The following PTPRG variants were observed in gnomAD, a reference collection of about 807,000 sequenced individuals.
The protein encoded by PTPRG is receptor-type tyrosine-protein phosphatase gamma.
PTPRG carries 102 observed loss-of-function variants against 165.3 expected under a neutral mutation model. That is an observed-to-expected ratio of 0.62 (90% CI 0.53 to 0.73). PTPRG has a LOEUF of 0.73. Ranked by LOEUF, PTPRG falls within the 30% of genes least tolerant of loss-of-function variation. The pLI, the probability that PTPRG is intolerant of heterozygous loss-of-function variation, is 0.00. For missense variants in PTPRG, 1,866 were observed against 1,861.4 expected, an observed-to-expected ratio of 1.00 and a Z score of -0.05; for synonymous variants, 675 against 669.5, an observed-to-expected ratio of 1.01 and a Z score of -0.13.
At chr3:61,654,656 G>C (rs1179725852) in intron 1 of PTPRG, among the ~76,000 whole-genome samples, 1 of 152,120 alleles carries the variant, frequency 6.6e-6, no homozygotes, top group African/African-American at 2.4e-5. Flanking sequence ...AAAGTGCTGG[G>C]ATTACAGGCG....
chr3:62,191,126 CGT>C (rs969934140), intron 8 of PTPRG, among the ~76,000 whole-genome samples: 2 of 148,332 alleles, frequency 1.3e-5, no homozygotes, highest in Non-Finnish European at 3.0e-5. Context: ...CACATGTGTG[CGT>C]GTGTGCGTCT....
intron 5 of PTPRG, among the ~76,000 whole-genome samples, chr3:62,117,162 ATT>A (rs1385414335): frequency 1.3e-5 from 2 of 152,198 alleles, no homozygotes; most frequent in East Asian, 1.9e-4. Flanking sequence ...ATCTTTAGTC[ATT>A]TATAGAGGGT....
At chr3:61,893,842 T>G (rs1252193878) in intron 2 of PTPRG, among the ~76,000 whole-genome samples, 1 of 152,176 alleles carries the variant, frequency 6.6e-6, no homozygotes, top group East Asian at 1.9e-4. Flanking sequence ...AAACAACTCT[T>G]AAAGGATGTA....
At chr3:61,912,514 G>A (rs965455391) in intron 2 of PTPRG, among the ~76,000 whole-genome samples, 15 of 152,208 alleles carry the variant, frequency 9.9e-5, no homozygotes, top group African/African-American at 3.6e-4. Flanking sequence ...GTTAAAAAGA[G>A]GAAAAAGTAA....
intron 16 of PTPRG, chr3:62,261,081 C>T (rs1701682853): frequency 6.6e-6 from 1 of 152,028 alleles, no homozygotes; most frequent in Admixed American, 6.6e-5. Context: ...CAGTCCATAG[C>T]TAGGGTGGTC....
rs1200009579 is a variant in PTPRG at position 62,254,267 on chromosome 3, C to G, written c.2468-857C>G. 6.6e-6 allele frequency among the ~76,000 whole-genome samples: 1 copy of G among 152,104 alleles called. No individual in the cohort carries two copies. Reference sequence around the variant, plus strand: ...TGTCTGTTGTTTATCTCAAATTCAGCAGAGTATTTTTAAAAGGAAATATTT... The same window carrying G: ...TGTCTGTTGTTTATCTCAAATTCAGGAGAGTATTTTTAAAAGGAAATATTT... On this transcript the variant is annotated intron_variant, in intron 15 of 29. Transcript: ENST00000474889. This position sits in a 1 kb window ranked among gnomAD's most constrained non-coding sequence, Gnocchi z 4.6.
intron 1 of PTPRG, among the ~76,000 whole-genome samples, chr3:61,696,855 G>C (rs781680206): frequency 6.6e-6 from 1 of 152,168 alleles, no homozygotes; most frequent in Non-Finnish European, 1.5e-5. Flanking sequence ...TCAGACTGGG[G>C]TTTAAATATT....
At chr3:62,220,490 A>G (rs1038365320) in intron 13 of PTPRG, among the ~76,000 whole-genome samples, 1 of 152,150 alleles carries the variant, frequency 6.6e-6, no homozygotes, top group Admixed American at 6.5e-5. Flanking sequence ...GGTGGGAGCA[A>G]CAGAATCTGC....
intron 1 of PTPRG, among the ~76,000 whole-genome samples, chr3:61,632,169 A>G (rs1286650112): frequency 6.6e-6 from 1 of 152,160 alleles, no homozygotes; most frequent in Non-Finnish European, 1.5e-5. Flanking sequence ...TTAGCTGGGT[A>G]TGGTGGCGTG....
chr3:61,624,046 G>A (rs1345026751), intron 1 of PTPRG, among the ~76,000 whole-genome samples: 1 of 152,154 alleles, frequency 6.6e-6, no homozygotes, highest in South Asian at 2.1e-4. Context: ...GAACTCAGGA[G>A]CAGATCAAAA....
At chr3:62,042,253 G>T (rs1228404333) in intron 4 of PTPRG, among the ~76,000 whole-genome samples, 2 of 152,156 alleles carry the variant, frequency 1.3e-5, no homozygotes, top group Non-Finnish European at 2.9e-5. Flanking sequence ...CCTTGCCCTG[G>T]CCTGTCATAA....
At chr3:62,056,934 A>G (rs889788087) in intron 4 of PTPRG, among the ~76,000 whole-genome samples, 3 of 152,234 alleles carry the variant, frequency 2.0e-5, no homozygotes, top group African/African-American at 7.2e-5. Flanking sequence ...CACAGATGGA[A>G]TGGAGAGTTG....
intron 5 of PTPRG, among the ~76,000 whole-genome samples, chr3:62,108,983 A>G (rs1170148055): frequency 1.3e-5 from 2 of 150,312 alleles, no homozygotes; most frequent in Admixed American, 1.3e-4. Flanking sequence ...AATTTCTCCA[A>G]TTCTGTAGGT....
intron 5 of PTPRG, among the ~76,000 whole-genome samples, chr3:62,085,987 C>G (rs1483728148): frequency 6.6e-6 from 1 of 152,092 alleles, no homozygotes; most frequent in African/African-American, 2.4e-5. Flanking sequence ...TCAAGTCAGG[C>G]AGATAAAATC....
chr3:61,919,337 A>G (rs1357449915), intron 2 of PTPRG, among the ~76,000 whole-genome samples: 2 of 152,208 alleles, frequency 1.3e-5, no homozygotes, highest in African/African-American at 2.4e-5. Flanking sequence ...AGAAATAGCA[A>G]TACATCTAGA....
At chr3:62,243,440 T>TA (rs1701210283) in intron 14 of PTPRG, 1 of 158,362 alleles carries the variant, frequency 6.3e-6, no homozygotes, top group Non-Finnish European at 1.4e-5. Flanking sequence ...GCTGGGGATT[T>TA]AGAATAGCAA....
chr3:62,191,762 C>T (rs1699828833), intron 9 of PTPRG, 109 bp downstream of exon 9: 3 of 1,145,464 alleles, frequency 2.6e-6, no homozygotes, highest in Non-Finnish European at 2.5e-6. Context: ...TCTGTCCTCA[C>T]ACTGTCTGGT....
intron 3 of PTPRG, among the ~76,000 whole-genome samples, chr3:61,995,768 C>A (rs1434837780): frequency 7.4e-6 from 1 of 135,748 alleles, no homozygotes; most frequent in East Asian, 2.3e-4. Context: ...TCCCTCCCTC[C>A]TTCTTTTTCT....
At chr3:61,961,913 T>C (rs1385017954) in intron 2 of PTPRG, among the ~76,000 whole-genome samples, 1 of 152,200 alleles carries the variant, frequency 6.6e-6, no homozygotes, top group Non-Finnish European at 1.5e-5. Flanking sequence ...TTGAGAAGCA[T>C]TATTTCAGAC....
Sources: gnomAD v4.1 joint callset for allele counts (sites outside exome capture counted in the v4.1 genomes callset) on GRCh38, gnomAD v4.1.1 for gene constraint, Gnocchi (gnomAD v3.1) non-coding constraint, MANE v1.5 for transcripts, NCBI Gene and HGNC (gene_info 2026-07-23, HGNC 2026-07-21) for gene names.